The following MMACHC variants were observed in gnomAD, a reference collection of about 807,000 sequenced individuals.
MMACHC encodes metabolism of cobalamin associated C, also known as cyanocobalamin reductase / alkylcobalamin dealkylase.
MMACHC carries 14 observed loss-of-function variants against 17.6 expected under a neutral mutation model. The observed-to-expected ratio is 0.80, with a 90% CI of 0.53 to 1.25. The LOEUF (loss-of-function observed/expected upper bound fraction) is 1.25, where lower values mean the gene tolerates loss of function less well. MMACHC is among the 50% of genes most tolerant of loss of function. The pLI, the probability that MMACHC is intolerant of heterozygous loss-of-function variation, is 0.00. For missense variants in MMACHC, 392 were observed against 364.5 expected, an observed-to-expected ratio of 1.08 and a Z score of -0.62; for synonymous variants, 151 against 142.1, an observed-to-expected ratio of 1.06 and a Z score of -0.45.
rs946775128 is a variant in MMACHC at position 45,510,494 on chromosome 1, G to C, written c.*1279G>C. On this transcript the variant is annotated 3_prime_UTR_variant, in exon 4 of 4. Transcript: ENST00000401061. ...AGGACCGCCTGAGGCAAGGAATTCA[G>C]AACCACTCTGGGCAACATAATGACA... The C allele has an allele frequency of 6.6e-6, 1 of 152,284 alleles. No homozygotes were observed. The highest frequency in any genetic ancestry group is 2.4e-5 in the African/African-American group (1 of 41,440). The allele number at this position is 152,284 out of a possible 1,614,324, so 9.4% of individuals were successfully genotyped here.
chr1:45,503,389 G>A lies in MMACHC; in HGVS notation c.81+2976G>A, dbSNP rs190040144. Among the ~76,000 whole-genome samples the A allele has an allele frequency of 4.3e-4, 65 of 150,718 alleles. No homozygotes were observed. The East Asian group carries it at 9.7e-3, about 22-fold the overall frequency. On this transcript the variant is annotated intron_variant, in intron 1 of 3. Transcript: ENST00000401061. ...GTCTAGCCTGGGCAAGAAGAAGAGC[G>A]AAACTCCATCTCAAAAATAATAATA...
chr1:45,508,285 C>A lies in MMACHC; in HGVS notation c.350C>A (p.Ala117Asp), dbSNP rs368634899. 1 of 1,614,124 alleles carries A rather than the reference C, an allele frequency of 6.2e-7. No individual in the cohort carries two copies. Among genetic ancestry groups the A allele is most frequent in the East Asian group, 2.2e-5 (1 of 44,876 alleles). Residue 117 changes from alanine (A) to aspartate (D), a missense_variant, in exon 3 of 4, where the codon GCC becomes GAC. Coordinates refer to ENST00000401061, the MANE Select transcript of MMACHC (RefSeq NM_015506.3). The part of the protein sequence containing the change: ...VHPNRRPKIL[A>D]QTAAHVAGAA... ...CCCAACCGACGCCCCAAGATCCTGG[C>A]CCAGACAGCAGCCCATGTAGCTGGG...
In MMACHC at chr1:45,507,463, CA is replaced by C. The variant is rs1205537581; in HGVS notation, c.191del (p.Lys64SerfsTer12). The part of the protein sequence containing the change: ...STPAMFDRAL[K>X]PFLQSCHLRM... ...CGCCTGCCATGTTTGACCGGGCCCT[CA>C]AGCCCTTCTTGCAGAGCTGCCACCT... On this transcript the variant is annotated frameshift_variant, in exon 2 of 4. Coordinates refer to ENST00000401061, the MANE Select transcript of MMACHC (RefSeq NM_015506.3). LOFTEE classifies it high-confidence loss of function. 1.2e-6 allele frequency: 2 copies of C among 1,614,184 alleles called. No individual in the cohort carries two copies. The highest frequency in any genetic ancestry group is 8.5e-7 in the Non-Finnish European group (1 of 1,180,038).
At chr1:45,505,869 T>C (rs1313960206) in intron 1 of MMACHC, among the ~76,000 whole-genome samples, 1 of 148,946 alleles carries the variant, frequency 6.7e-6, no homozygotes, top group East Asian at 2.0e-4. Context: ...GCCACTGCAC[T>C]CTAACCTGGG....
At chr1:45,503,989 G>A (rs1487692560) in intron 1 of MMACHC, among the ~76,000 whole-genome samples, 3 of 152,146 alleles carry the variant, frequency 2.0e-5, no homozygotes, top group Non-Finnish European at 2.9e-5. Flanking sequence ...GGTGTAGACG[G>A]TGTTACAGGT....
chr1:45,509,146 TG>T lies in MMACHC; in HGVS notation c.783del (p.Asn262IlefsTer29). Reference sequence around the variant, plus strand: ...TTACCACACCCGCCCCCAAGAAGCCTGGGAATCCCAGCAGAGCCCGGAGCTG... The same window carrying T: ...TTACCACACCCGCCCCCAAGAAGCCTGGAATCCCAGCAGAGCCCGGAGCTG... ...PFTTPAPKKP[G>X]NPSRARSWLS... is the part of the protein sequence containing the mutation. On this transcript the variant is annotated frameshift_variant, in exon 4 of 4. Coordinates refer to ENST00000401061, the MANE Select transcript of MMACHC (RefSeq NM_015506.3). LOFTEE classifies it high-confidence loss of function. 6.2e-7 allele frequency: 1 copy of T among 1,612,934 alleles called. No individual in the cohort carries two copies. The highest frequency in any genetic ancestry group is 8.5e-7 in the Non-Finnish European group (1 of 1,179,626).
In MMACHC at chr1:45,511,732, G is replaced by A. The variant is rs1454630032; in HGVS notation, c.*2517G>A. ...AAGGGGAAAAAAAAGCTAAATAAACGACACACATAGGACTATGTAAACCCT... is the reference window on the plus strand; with the variant it reads ...AAGGGGAAAAAAAAGCTAAATAAACAACACACATAGGACTATGTAAACCCT... On this transcript the variant is annotated 3_prime_UTR_variant, in exon 4 of 4. Transcript: ENST00000401061. The A allele has an allele frequency of 4.7e-5, 10 of 214,600 alleles. No individual in the cohort carries two copies. Among genetic ancestry groups the A allele is most frequent in the Admixed American group, 1.2e-4 (2 of 17,184 alleles). 13.3% of individuals were successfully genotyped at this position (214,600 alleles called of 1,614,324 possible).
intron 1 of MMACHC, 105 bp from the exon 2 acceptor site, chr1:45,507,251 T>A: frequency 2.0e-6 from 2 of 1,000,540 alleles, no homozygotes; most frequent in Non-Finnish European, 3.1e-6. Context: ...ACTGAATGAG[T>A]GAGATGGAGG....
At chr1:45,508,156 C>A in intron 2 of MMACHC, 56 bp from the exon 3 acceptor site, 2 of 1,599,518 alleles carry the variant, frequency 1.3e-6, no homozygotes. Context: ...CTCCCTCGGA[C>A]AAGGTCATAA....
intron 1 of MMACHC, among the ~76,000 whole-genome samples, chr1:45,505,244 C>T (rs1423882510): frequency 2.0e-5 from 3 of 150,710 alleles, no homozygotes; most frequent in Non-Finnish European, 4.4e-5. Flanking sequence ...GTCAAGAGAT[C>T]GAGACCATCC....
At chr1:45,507,616 A>T in intron 2 of MMACHC, 66 bp downstream of exon 2, 1 of 1,554,384 alleles carries the variant, frequency 6.4e-7, no homozygotes, top group Non-Finnish European at 8.8e-7. Flanking sequence ...TCCACACTCA[A>T]TGCAGGATCT....
Position 45,508,396 on chromosome 1 carries a change from T to C in MMACHC, c.429+32T>C, listed in dbSNP as rs988103378. Reference sequence around the variant, plus strand: ...GGGAAAATGTAAATAGAGGCTGAGATAGACTGGTAAAGGCCTCTCCCTACC... The same window carrying C: ...GGGAAAATGTAAATAGAGGCTGAGACAGACTGGTAAAGGCCTCTCCCTACC... On this transcript the variant is annotated intron_variant, in intron 3 of 3. Transcript: ENST00000401061. 4 of 1,611,204 alleles carry C rather than the reference T, an allele frequency of 2.5e-6. No homozygotes were observed. The African/African-American group carries it at 5.3e-5, about 22-fold the overall frequency.
intron 1 of MMACHC, among the ~76,000 whole-genome samples, chr1:45,505,840 T>G (rs1041685052): frequency 6.6e-6 from 1 of 150,906 alleles, no homozygotes; most frequent in Non-Finnish European, 1.5e-5. Context: ...AGGCGGAGGT[T>G]GCGGTGAGCC....
At chr1:45,502,952 G>T (rs566545303) in intron 1 of MMACHC, among the ~76,000 whole-genome samples, 1 of 152,134 alleles carries the variant, frequency 6.6e-6, no homozygotes, top group East Asian at 1.9e-4. Flanking sequence ...TGATCTGCCT[G>T]CGTTGGCCTC....
In MMACHC at chr1:45,508,198, G is replaced by T. The variant is rs773211274; in HGVS notation, c.277-14G>T. 7.4e-6 allele frequency: 12 copies of T among 1,613,840 alleles called. No individual in the cohort carries two copies. Among genetic ancestry groups the T allele is most frequent in the Non-Finnish European group, 1.0e-5 (12 of 1,179,902 alleles). On this transcript the variant is annotated splice_polypyrimidine_tract_variant and intron_variant, in intron 2 of 3. Transcript: ENST00000401061. ...TCATGCTGACAGTACCCTCTATTTTGTCCACTGTTCCAGAGCCTCCCAGAG... is the reference window on the plus strand; with the variant it reads ...TCATGCTGACAGTACCCTCTATTTTTTCCACTGTTCCAGAGCCTCCCAGAG...
At position 45,509,095 on chromosome 1, in the gene MMACHC, T is replaced by C. The variant is rs891106099; in HGVS notation, c.729T>C (p.Pro243=). ...GCTTGGCTCAGCCCTCAGAGAAGCCTAGTTCTCCCTCCCCGGACCTTCCCT... is the reference window on the plus strand; with the variant it reads ...GCTTGGCTCAGCCCTCAGAGAAGCCCAGTTCTCCCTCCCCGGACCTTCCCT... ...LLGLAQPSEK[P]SSPSPDLPFT... The change falls in exon 4 of 4, where the codon CCT becomes CCC. Residue 243 remains proline, a synonymous_variant. Coordinates refer to ENST00000401061, the MANE Select transcript of MMACHC (RefSeq NM_015506.3). The C allele has an allele frequency of 2.5e-6, 4 of 1,612,456 alleles. No homozygotes were observed. In the African/African-American group the frequency reaches 5.3e-5, roughly 22 times the overall value.
chr1:45,507,601 G>A lies in MMACHC; in HGVS notation c.276+51G>A, dbSNP rs1317153539. On this transcript the variant is annotated intron_variant, in intron 2 of 3. Transcript: ENST00000401061. ...GCTCCCAAACCTACAGCTGCCTCCA[G>A]TTCCTCCACACTCAATGCAGGATCT... The A allele has an allele frequency of 4.4e-6, 7 of 1,592,072 alleles. No individual in the cohort carries two copies. In the South Asian group the frequency reaches 7.8e-5, roughly 18 times the overall value.
At chr1:45,503,115 T>G (rs1456990936) in intron 1 of MMACHC, among the ~76,000 whole-genome samples, 1 of 152,180 alleles carries the variant, frequency 6.6e-6, no homozygotes, top group Non-Finnish European at 1.5e-5. Context: ...TAGAACTTTC[T>G]GCAGCCAGGC....
intron 1 of MMACHC, among the ~76,000 whole-genome samples, chr1:45,503,431 C>CTTTTT (rs10607418): frequency 3.9e-5 from 3 of 77,048 alleles, no homozygotes; most frequent in Admixed American, 1.7e-4. Context: ...TAACTCTCTG[C>CTTTTT]TTTTTTTTTT....
Sources: allele counts gnomAD v4.1 joint callset (sites outside exome capture counted in the v4.1 genomes callset), GRCh38; gene constraint gnomAD v4.1.1; transcripts MANE v1.5; gene names NCBI Gene and HGNC (gene_info 2026-07-23, HGNC 2026-07-21).